The following AFF3 variants were observed in gnomAD, a reference collection of about 807,000 sequenced individuals.
AFF3 encodes AF4/FMR2 family member 3.
In AFF3, 32 loss-of-function variants were observed where a neutral mutation model predicts 129.7. The ratio of observed to expected loss-of-function variants is 0.25; its 90% confidence interval spans 0.19 to 0.33. The LOEUF is 0.33. AFF3 is among the 10% of genes least tolerant of loss of function. AFF3 has a pLI of 1.00. For missense variants in AFF3, 1,373 were observed against 1,592.0 expected (o/e 0.86, Z 2.34); for synonymous variants, 644 against 635.4 (o/e 1.01, Z -0.20).
chr2:99,639,999 C>A (rs4850907), intron 13 of AFF3, among the ~76,000 whole-genome samples: 9 of 152,002 alleles, frequency 5.9e-5, no homozygotes, highest in Admixed American at 6.6e-5. Context: ...GACTTTTTTC[C>A]GTGAGTAAAG....
At chr2:99,912,408 G>T (rs767892983) in intron 7 of AFF3, among the ~76,000 whole-genome samples, 2 of 152,094 alleles carry the variant, frequency 1.3e-5, no homozygotes, top group African/African-American at 4.8e-5. Context: ...TCCAAATACC[G>T]CATAACTTGT....
chr2:99,569,190 TA>T lies in AFF3; in HGVS notation c.2919-276del, dbSNP rs143730486. ...CCCCCTAGGGCCTAATTTGTGAATA[TA>T]TTTTTTTATTGTATGGTTAAAAAAA... is the stretch of plus-strand genomic sequence containing the variant. On this transcript the variant is annotated intron_variant, in intron 18 of 24. Transcript: ENST00000672756. Among the ~76,000 whole-genome samples the T allele has an allele frequency of 6.2e-3, 939 of 152,332 alleles. 7 individuals are homozygous for T. The highest frequency in any genetic ancestry group is 0.015 in the South Asian group (74 of 4,834).
rs112652341 is a variant in AFF3, at chr2:99,759,151, G to T, written c.922-6850C>A. ...TGCCAATATAATAGGATAGTTCTCT[G>T]CTCATGCTCCTCCAAAGCACTTATT... On this transcript the variant is annotated intron_variant, in intron 8 of 24. Coordinates refer to ENST00000672756, the MANE Select transcript of AFF3 (RefSeq NM_001386135.1). Among the ~76,000 whole-genome samples, 468 of 152,220 alleles carry T rather than the reference G, an allele frequency of 3.1e-3. 2 individuals carry two copies. The Middle Eastern group carries it at 0.044, about 14-fold the overall frequency.
chr2:99,637,623 A>G (rs1683786648), intron 13 of AFF3, among the ~76,000 whole-genome samples: 2 of 152,278 alleles, frequency 1.3e-5, no homozygotes, highest in South Asian at 4.1e-4. Context: ...CAACCAACAC[A>G]TTCCATGCAG....
At chr2:100,016,142 T>A (rs543948719) in intron 4 of AFF3, among the ~76,000 whole-genome samples, 19 of 150,964 alleles carry the variant, frequency 1.3e-4, no homozygotes, top group Non-Finnish European at 2.5e-4. Context: ...GTGGTGATGG[T>A]GGTGGTGGTA....
intron 12 of AFF3, among the ~76,000 whole-genome samples, chr2:99,651,488 C>CTGGA (rs376050167): frequency 1.1e-3 from 160 of 151,940 alleles, no homozygotes; most frequent in African/African-American, 3.8e-3. Context: ...GTCACCCAGG[C>CTGGA]TGGAGTGTAG....
intron 1 of AFF3, among the ~76,000 whole-genome samples, chr2:100,140,378 C>T (rs749723825): frequency 1.6e-4 from 24 of 152,206 alleles, no homozygotes; most frequent in Admixed American, 7.9e-4. Context: ...TGACTTTGAA[C>T]TTGTTTCTTA....
rs1189841962 is a variant in AFF3, at chr2:99,728,111, T to C, written c.1040-983A>G. Among the ~76,000 whole-genome samples the C allele has an allele frequency of 3.3e-5, 5 of 152,220 alleles. No homozygotes were observed. The East Asian group carries it at 9.6e-4, about 29-fold the overall frequency. ...GAGCTTGGAACCAGTTCACTTCTTG[T>C]AGTTTACAGTAGGCTTAATGTAATT... On this transcript the variant is annotated intron_variant, in intron 10 of 24. Transcript: ENST00000672756.
chr2:99,777,678 G>A (rs938030617), intron 8 of AFF3, among the ~76,000 whole-genome samples: 4 of 152,016 alleles, frequency 2.6e-5, no homozygotes, highest in African/African-American at 7.2e-5. Context: ...CTAGCTCTTC[G>A]CCTCCAACAT....
chr2:99,906,612 C>G (rs1217318752), intron 7 of AFF3, among the ~76,000 whole-genome samples: 5 of 152,036 alleles, frequency 3.3e-5, no homozygotes, highest in Admixed American at 3.3e-4. Flanking sequence ...TCCCAGACAA[C>G]CTGGGTGGGC....
chr2:99,648,934 C>CTCTCTCTCTCTCTCTCTCTT (rs138353584), intron 13 of AFF3, among the ~76,000 whole-genome samples: 2,617 of 118,978 alleles, frequency 0.022, 134 homozygotes, highest in African/African-American at 0.043. Context: ...CTCTCTCTCT[C>CTCTCTCTCTCTCTCTCTCTT]TCTCCAATCT....
chr2:100,110,681 A>T (rs1223017972), intron 2 of AFF3, among the ~76,000 whole-genome samples: 1 of 152,212 alleles, frequency 6.6e-6, no homozygotes, highest in South Asian at 2.1e-4. Context: ...GGGGTCCCCA[A>T]GTCCCAAACA....
intron 12 of AFF3, among the ~76,000 whole-genome samples, chr2:99,662,396 TAAAAA>T (rs1175658724): frequency 6.6e-6 from 1 of 152,140 alleles, no homozygotes; most frequent in African/African-American, 2.4e-5. Context: ...AATGCAAGAC[TAAAAA>T]GAAAAACGAA....
At chr2:99,640,931 T>C (rs1183923902) in intron 13 of AFF3, among the ~76,000 whole-genome samples, 3 of 152,174 alleles carry the variant, frequency 2.0e-5, no homozygotes, top group South Asian at 2.1e-4. Flanking sequence ...GCTTGAGGGA[T>C]GCACTGCGTA....
chr2:99,592,043 T>C (rs142632627), intron 15 of AFF3, among the ~76,000 whole-genome samples: 225 of 152,362 alleles, frequency 1.5e-3, no homozygotes, highest in Admixed American at 2.9e-3. Flanking sequence ...TATTGCAATC[T>C]TGGTCTGTCA....
intron 7 of AFF3, among the ~76,000 whole-genome samples, chr2:99,914,754 A>G (rs1329391123): frequency 6.6e-6 from 1 of 151,478 alleles, no homozygotes; most frequent in Non-Finnish European, 1.5e-5. Flanking sequence ...TCTCTACTAA[A>G]AATACAAAAA....
At chr2:99,959,579 AT>A (rs1473575326) in intron 7 of AFF3, among the ~76,000 whole-genome samples, 1 of 151,494 alleles carries the variant, frequency 6.6e-6, no homozygotes, top group African/African-American at 2.4e-5. Flanking sequence ...CATAAAAAAA[AT>A]CTTCCTCACA....
At chr2:99,585,133 T>C (rs903002382) in intron 16 of AFF3, among the ~76,000 whole-genome samples, 4 of 152,232 alleles carry the variant, frequency 2.6e-5, no homozygotes, top group Non-Finnish European at 5.9e-5. Flanking sequence ...GCGAACAGCC[T>C]GATTATAATT....
intron 13 of AFF3, among the ~76,000 whole-genome samples, chr2:99,621,855 T>A (rs770028001): frequency 6.6e-6 from 1 of 152,024 alleles, no homozygotes; most frequent in African/African-American, 2.4e-5. Flanking sequence ...GCGGGTGGAA[T>A]AACAGGAGGC....
Sources: allele counts gnomAD v4.1 joint callset (sites outside exome capture counted in the v4.1 genomes callset), GRCh38; gene constraint gnomAD v4.1.1; transcripts MANE v1.5; gene names NCBI Gene and HGNC (gene_info 2026-07-23, HGNC 2026-07-21).